The following TBC1D12 variants were observed in gnomAD, a reference collection of about 807,000 sequenced individuals.
The protein encoded by TBC1D12 is TBC1 domain family, member 12.
In TBC1D12, 56 loss-of-function variants were observed where a neutral mutation model predicts 86.7. The observed-to-expected ratio is 0.65, with a 90% CI of 0.52 to 0.81. The LOEUF (loss-of-function observed/expected upper bound fraction) is 0.81, where lower values mean the gene tolerates loss of function less well. TBC1D12 is among the 30% of genes least tolerant of loss of function. The pLI, the probability that TBC1D12 is intolerant of heterozygous loss-of-function variation, is 0.00. For synonymous variants in TBC1D12, 421 were observed against 411.7 expected (o/e 1.02, Z -0.27); for missense variants, 1,023 against 1,038.8 (o/e 0.98, Z 0.21).
chr10:94,498,517 G>A (rs533550166), intron 5 of TBC1D12, among the ~76,000 whole-genome samples: 3 of 152,106 alleles, frequency 2.0e-5, no homozygotes, highest in East Asian at 1.9e-4. Flanking sequence ...GCAGTGGCGC[G>A]ATCTCAGCTC....
intron 6 of TBC1D12, among the ~76,000 whole-genome samples, chr10:94,501,108 A>G (rs190677043): frequency 1.3e-5 from 2 of 151,274 alleles, no homozygotes; most frequent in African/African-American, 4.8e-5. Context: ...ATAAATAAAT[A>G]AATAAATAAA....
chr10:94,480,249 G>A (rs1359690653), intron 3 of TBC1D12, among the ~76,000 whole-genome samples: 1 of 152,148 alleles, frequency 6.6e-6, no homozygotes, highest in African/African-American at 2.4e-5. Flanking sequence ...TAAATTTTTG[G>A]TGGTGTACTG....
chr10:94,415,980 T>A (rs920174857), intron 1 of TBC1D12, among the ~76,000 whole-genome samples: 2 of 152,144 alleles, frequency 1.3e-5, no homozygotes, highest in Non-Finnish European at 2.9e-5. Flanking sequence ...ACTATAAAAT[T>A]TTCTTGAGTA....
At chr10:94,481,152 G>T (rs966778688) in intron 3 of TBC1D12, among the ~76,000 whole-genome samples, 1 of 151,658 alleles carries the variant, frequency 6.6e-6, no homozygotes, top group Non-Finnish European at 1.5e-5. Context: ...TTGAGCACAG[G>T]TAGAGTAGAT....
intron 1 of TBC1D12, among the ~76,000 whole-genome samples, chr10:94,413,726 T>G (rs2054958241): frequency 6.6e-6 from 1 of 152,018 alleles, no homozygotes; most frequent in Non-Finnish European, 1.5e-5. Context: ...ATCTTTGAAT[T>G]TGGCTTTTCA....
At chr10:94,490,550 A>G (rs114864472) in intron 3 of TBC1D12, among the ~76,000 whole-genome samples, 1 of 152,010 alleles carries the variant, frequency 6.6e-6, no homozygotes, top group Non-Finnish European at 1.5e-5. Flanking sequence ...CTCATTATGC[A>G]TTATATTTTT....
In TBC1D12 at chr10:94,484,265, A is replaced by G. The variant is rs200631346; in HGVS notation, c.1212-9100A>G. ...TTTCTTTTGTTTTTTTTTTTTTTTG[A>G]GGTGGAGTTTCGCTCTTGTTGCTCA... On this transcript the variant is annotated intron_variant, in intron 3 of 12. Transcript: ENST00000225235. 4.5e-3 allele frequency among the ~76,000 whole-genome samples: 383 copies of G among 85,248 alleles called. 11 individuals are homozygous for G. The East Asian group carries it at 0.11, about 24-fold the overall frequency. The allele number at this position is 85,248 out of a possible 152,430, so 55.9% of individuals were successfully genotyped here. A position where few individuals can be genotyped will look rare whatever the true frequency, so the allele number is the denominator to read the frequency against.
chr10:94,533,300 G>A lies in TBC1D12; in HGVS notation c.*204G>A, dbSNP rs117917573. The A allele has an allele frequency of 0.01, 3,655 of 348,850 alleles. 24 individuals carry two copies. Among genetic ancestry groups the A allele is most frequent in the Non-Finnish European group, 0.015 (2,877 of 196,356 alleles). The allele number at this position is 348,850 out of a possible 1,614,324, so 21.6% of individuals were successfully genotyped here. A position where few individuals can be genotyped will look rare whatever the true frequency, so the allele number is the denominator to read the frequency against. ...GTATTAATAAACTATTATTTTGTAG[G>A]TAGAGTCATTTTTCAAAGGAAAAAG... is the stretch of plus-strand genomic sequence containing the variant. On this transcript the variant is annotated 3_prime_UTR_variant, in exon 13 of 13. Coordinates refer to ENST00000225235, the MANE Select transcript of TBC1D12 (RefSeq NM_015188.2).
intron 3 of TBC1D12, among the ~76,000 whole-genome samples, chr10:94,489,027 A>G (rs555217328): frequency 1.3e-5 from 2 of 152,258 alleles, no homozygotes; most frequent in East Asian, 3.9e-4. Flanking sequence ...TCACTGTGTC[A>G]TCTACTGCCC....
intron 2 of TBC1D12, among the ~76,000 whole-genome samples, chr10:94,465,374 G>A (rs528270324): frequency 1.5e-4 from 23 of 152,222 alleles, no homozygotes; most frequent in Middle Eastern, 3.4e-3. Context: ...AGGCCCGGGC[G>A]CAGTGGCCCA....
chr10:94,459,103 ATTGGTCCATTTTACAGAGAG>A (rs2055680267), intron 2 of TBC1D12, among the ~76,000 whole-genome samples: 1 of 151,042 alleles, frequency 6.6e-6, no homozygotes, highest in Non-Finnish European at 1.5e-5. Context: ...CAGAGAGCTG[ATTGGTCCATTTTACAGAGAG>A]CTGATTGGTC....
Position 94,432,298 on chromosome 10 carries a change from A to AT in TBC1D12, c.972-9595dup, listed in dbSNP as rs1223160557. 4.6e-5 allele frequency among the ~76,000 whole-genome samples: 7 copies of AT among 152,276 alleles called. No individual in the cohort carries two copies. The East Asian group carries it at 1.3e-3, about 29-fold the overall frequency. On this transcript the variant is annotated intron_variant, in intron 1 of 12. Transcript: ENST00000225235. Reference sequence around the variant, plus strand: ...TCAAAAGATGACACATTTTTGGCCTATTTATGTACCTTTTCACTGGGTTTT... The same window carrying AT: ...TCAAAAGATGACACATTTTTGGCCTATTTTATGTACCTTTTCACTGGGTTTT...
chr10:94,408,911 T>A (rs2054891500), intron 1 of TBC1D12, among the ~76,000 whole-genome samples: 1 of 152,232 alleles, frequency 6.6e-6, no homozygotes, highest in Non-Finnish European at 1.5e-5. Context: ...TCTATTGAAT[T>A]CAAACCTGTT....
chr10:94,444,932 C>A (rs920311186), intron 2 of TBC1D12, among the ~76,000 whole-genome samples: 2 of 149,556 alleles, frequency 1.3e-5, no homozygotes, highest in African/African-American at 2.4e-5. Context: ...CGGGGTTTCA[C>A]CGTGTTAGCC....
intron 2 of TBC1D12, among the ~76,000 whole-genome samples, chr10:94,465,026 T>C (rs1196216280): frequency 6.6e-6 from 1 of 152,246 alleles, no homozygotes; most frequent in African/African-American, 2.4e-5. Flanking sequence ...AACGTTTTAA[T>C]AGTCTTTTCA....
In TBC1D12 at chr10:94,403,114, C is replaced by T. The variant is rs2054793743; in HGVS notation, c.501C>T (p.Arg167=). Residue 167 remains arginine, a synonymous_variant, in exon 1 of 13, where the codon CGC becomes CGT. Coordinates refer to ENST00000225235, the MANE Select transcript of TBC1D12 (RefSeq NM_015188.2). ...RAGGRESRRR[R]PYGRLRLEGP... is the part of the protein sequence containing the mutation. Reference sequence around the variant, plus strand: ...GCGGCCGGGAGTCGCGCCGCCGCCGCCCCTACGGCCGCCTTCGCCTGGAGG... The same window carrying T: ...GCGGCCGGGAGTCGCGCCGCCGCCGTCCCTACGGCCGCCTTCGCCTGGAGG... 7.2e-7 allele frequency: 1 copy of T among 1,388,982 alleles called. No homozygotes were observed. The highest frequency in any genetic ancestry group is 1.7e-5 in the South Asian group (1 of 57,602). The allele number at this position is 1,388,982 out of a possible 1,614,324, so 86.0% of individuals were successfully genotyped here. A position where few individuals can be genotyped will look rare whatever the true frequency, so the allele number is the denominator to read the frequency against.
Position 94,510,168 on chromosome 10 carries a change from A to C in TBC1D12, c.1678A>C (p.Ile560Leu), listed in dbSNP as rs376682556. ...ATCCCGTACATTTCCATCTCTCTAC[A>C]TCTTTCAGAAGGTGAGGGTTTCTAA... ...DISRTFPSLY[I>L]FQKGGPYHDV... is the part of the protein sequence containing the mutation. Residue 560 changes from isoleucine to leucine, a missense_variant, in exon 8 of 13, where the codon ATC becomes CTC. Physicochemically the swap from Ile to Leu is conservative, Grantham distance 5 (BLOSUM62 2). Coordinates refer to ENST00000225235, the MANE Select transcript of TBC1D12 (RefSeq NM_015188.2). The C allele has an allele frequency of 1.3e-6, 2 of 1,593,256 alleles. No homozygotes were observed. The highest frequency in any genetic ancestry group is 1.9e-5 in the Admixed American group (1 of 53,884).
At chr10:94,422,779 C>T (rs192668652) in intron 1 of TBC1D12, among the ~76,000 whole-genome samples, 13 of 152,068 alleles carry the variant, frequency 8.5e-5, no homozygotes, top group African/African-American at 2.9e-4. Context: ...AGTATGTTGT[C>T]CTGGCTGGTT....
At chr10:94,472,814 A>G (rs983499036) in intron 2 of TBC1D12, among the ~76,000 whole-genome samples, 5 of 152,192 alleles carry the variant, frequency 3.3e-5, no homozygotes, top group Non-Finnish European at 7.3e-5. Flanking sequence ...ATGACAGTTA[A>G]TAAACATAAG....
Sources: gnomAD v4.1 joint callset for allele counts (sites outside exome capture counted in the v4.1 genomes callset) on GRCh38, gnomAD v4.1.1 for gene constraint, MANE v1.5 for transcripts, NCBI Gene and HGNC (gene_info 2026-07-23, HGNC 2026-07-21) for gene names.